LGALSL: variants seen among roughly 807,000 people sequenced by gnomAD.
LGALSL encodes the protein galectin like, also known as galectin-related protein.
Under a neutral mutation model 19.5 loss-of-function variants are expected in LGALSL, and 13 were observed. The observed-to-expected ratio is 0.67, with a 90% confidence interval of 0.43 to 1.06. The LOEUF (loss-of-function observed/expected upper bound fraction) is 1.06. Among genes scored for constraint, LGALSL ranks in the 50% least tolerant of loss-of-function variants. LGALSL has a pLI of 0.00. For synonymous variants in LGALSL, 86 were observed against 78.3 expected, an observed-to-expected ratio of 1.10 and a Z score of -0.52; for missense variants, 189 against 219.3, an observed-to-expected ratio of 0.86 and a Z score of 0.87.
chr2:64,454,933 C>T lies in LGALSL; in HGVS notation c.36+352C>T, dbSNP rs1686708550. On this transcript the variant is annotated intron_variant, in intron 1 of 4. Transcript: ENST00000238875. The surrounding 1 kb of genome is among the most constrained non-coding windows in gnomAD (Gnocchi z 5.1). Reference sequence around the variant, plus strand: ...CGCCCCCGACGTACCGGGGATTCCCCCTTGGAAATGGGTCGGCGCCCGGGG... The same window carrying T: ...CGCCCCCGACGTACCGGGGATTCCCTCTTGGAAATGGGTCGGCGCCCGGGG... Among the ~76,000 whole-genome samples the T allele has an allele frequency of 6.6e-6, 1 of 152,068 alleles. No individual in the cohort carries two copies. The highest frequency in any genetic ancestry group is 1.5e-5 in the Non-Finnish European group (1 of 67,986).
rs1366836885 is a variant in LGALSL at position 64,454,454 on chromosome 2, A to ACCCGCG, written c.-88_-83dup. The ACCCGCG allele has an allele frequency of 1.2e-5, 7 of 561,768 alleles. No homozygotes were observed. The highest frequency in any genetic ancestry group is 6.6e-5 in the African/African-American group (3 of 45,662). The allele number at this position is 561,768 out of a possible 1,614,324, so 34.8% of individuals were successfully genotyped here. On this transcript the variant is annotated 5_prime_UTR_variant, in exon 1 of 5. Transcript: ENST00000238875. This position sits in a 1 kb window ranked among gnomAD's most constrained non-coding sequence, Gnocchi z 5.1. ...GTGCGCGCGCCCGCCGCCAGCTCGG[A>ACCCGCG]CCCGCGCCCCCGCCCCCGCCCCGCG... is the stretch of plus-strand genomic sequence containing the variant.
At position 64,456,343 on chromosome 2, in the gene LGALSL, A is replaced by G. The variant is rs375164439; in HGVS notation, c.253A>G (p.Ile85Val). The G allele has an allele frequency of 5.0e-6, 8 of 1,612,432 alleles. No individual in the cohort carries two copies. Among genetic ancestry groups the G allele is most frequent in the East Asian group, 4.5e-5 (2 of 44,732 alleles). ...DSEDPPADVA[I>V]ELKAVFTDRQ... ...AGAAGACCCTCCTGCCGATGTGGCA[A>G]TCGAACTCAAAGCTGTGTTCACAGA... The change falls in exon 4 of 5, where the codon ATC becomes GTC. Residue 85 changes from isoleucine to valine, a missense_variant. By Grantham distance (29) the Ile-to-Val change is conservative. Around this residue, in one of 3 missense-constraint regions of LGALSL, gnomAD observed 106 missense variants for 119.3 expected, o/e 0.89. Transcript: ENST00000238875.
chr2:64,454,389 G>A lies in LGALSL; in HGVS notation c.-157G>A. ...CTCCCAGGCTCTGCCTGCCAGGTCGGCGCCGGGCCCCGGGCGCGCGCGCGC... is the reference window on the plus strand; with the variant it reads ...CTCCCAGGCTCTGCCTGCCAGGTCGACGCCGGGCCCCGGGCGCGCGCGCGC... On this transcript the variant is annotated 5_prime_UTR_variant, in exon 1 of 5. Transcript: ENST00000238875. This position sits in a 1 kb window ranked among gnomAD's most constrained non-coding sequence, Gnocchi z 5.1. 2.6e-6 allele frequency: 1 copy of A among 386,652 alleles called. No individual in the cohort carries two copies. The highest frequency in any genetic ancestry group is 3.7e-5 in the East Asian group (1 of 26,820). 24.0% of individuals were successfully genotyped at this position (386,652 alleles called of 1,614,324 possible).
rs1359019159 is a variant in LGALSL at position 64,454,753 on chromosome 2, G to A, written c.36+172G>A. On this transcript the variant is annotated intron_variant, in intron 1 of 4. Transcript: ENST00000238875. This position sits in a 1 kb window ranked among gnomAD's most constrained non-coding sequence, Gnocchi z 5.1. The stretch of plus-strand genomic sequence containing the variant: ...CGCTGGCTGCGCGCGGCCGGTGTTA[G>A]GGGCTGGAGAGGCTCCCGGGCTGCG... Among the ~76,000 whole-genome samples, 1 of 152,106 alleles carries A rather than the reference G, an allele frequency of 6.6e-6. No homozygotes were observed. The highest frequency in any genetic ancestry group is 1.9e-4 in the East Asian group (1 of 5,182).
In LGALSL at chr2:64,458,259, G is replaced by A. The variant is rs562253702; in HGVS notation, c.376-26G>A. 2.2e-5 allele frequency: 36 copies of A among 1,609,522 alleles called. No homozygotes were observed. The Admixed American group carries it at 5.7e-4, about 25-fold the overall frequency. On this transcript the variant is annotated intron_variant, in intron 4 of 4. Coordinates refer to ENST00000238875, the MANE Select transcript of LGALSL (RefSeq NM_014181.3). ...TTCCCCAGTAGCGTTCATTGAAATT[G>A]TGGATTATTATTTTGTTTCTTCCAG... is the stretch of plus-strand genomic sequence containing the variant.
Position 64,454,566 on chromosome 2 carries a change from C to A in LGALSL, c.21C>A (p.Asp7Glu). 6.9e-7 allele frequency: 1 copy of A among 1,453,412 alleles called. No homozygotes were observed. Among genetic ancestry groups the A allele is most frequent in the Admixed American group, 2.2e-5 (1 of 44,850 alleles). The allele number at this position is 1,453,412 out of a possible 1,614,324, so 90.0% of individuals were successfully genotyped here. A position where few individuals can be genotyped will look rare whatever the true frequency, so the allele number is the denominator to read the frequency against. ...AGAAGATGGCGGGATCAGTGGCCGA[C>A]AGCGATGCCGTGGTGGTGAGTGTGG... MAGSVA[D>E]SDAVVKLDDG... Residue 7 changes from aspartate to glutamate, a missense_variant, in exon 1 of 5, where the codon GAC becomes GAA. Transcript: ENST00000238875. The surrounding 1 kb of genome is among the most constrained non-coding windows in gnomAD (Gnocchi z 5.1).
intron 3 of LGALSL, 78 bp from the exon 4 acceptor site, chr2:64,456,210 G>T: frequency 7.7e-7 from 1 of 1,298,298 alleles, no homozygotes; most frequent in Non-Finnish European, 1.1e-6. Flanking sequence ...AGAGGAGGAA[G>T]AAGAAATATA....
rs1297627312 is a variant in LGALSL, at chr2:64,454,402, G to GGC, written c.-129_-128dup. On this transcript the variant is annotated 5_prime_UTR_variant, in exon 1 of 5. Coordinates refer to ENST00000238875, the MANE Select transcript of LGALSL (RefSeq NM_014181.3). The surrounding 1 kb of genome is among the most constrained non-coding windows in gnomAD (Gnocchi z 5.1). ...CCTGCCAGGTCGGCGCCGGGCCCCG[G>GGC]GCGCGCGCGCGCGCGCCCCCTCGTG... 1.1e-3 allele frequency: 410 copies of GGC among 379,742 alleles called. No homozygotes were observed. The highest frequency in any genetic ancestry group is 3.9e-3 in the South Asian group (31 of 7,852). The allele number at this position is 379,742 out of a possible 1,614,324, so 23.5% of individuals were successfully genotyped here.
Position 64,454,556 on chromosome 2 carries a change from C to A in LGALSL, c.11C>A (p.Ser4Ter). ...GCGCCGGGCAAGAAGATGGCGGGAT[C>A]AGTGGCCGACAGCGATGCCGTGGTG... The part of the protein sequence containing the change: MAG[S>*]VADSDAVVKL... Residue 4 changes from serine to a stop codon, truncating the protein, a stop_gained, in exon 1 of 5, where the codon TCA becomes TAA. Coordinates refer to ENST00000238875, the MANE Select transcript of LGALSL (RefSeq NM_014181.3). LOFTEE classifies it high-confidence loss of function. This position sits in a 1 kb window ranked among gnomAD's most constrained non-coding sequence, Gnocchi z 5.1. The A allele has an allele frequency of 6.9e-7, 1 of 1,449,586 alleles. No individual in the cohort carries two copies. Among genetic ancestry groups the A allele is most frequent in the Non-Finnish European group, 9.1e-7 (1 of 1,097,940 alleles). The allele number at this position is 1,449,586 out of a possible 1,614,324, so 89.8% of individuals were successfully genotyped here. A position where few individuals can be genotyped will look rare whatever the true frequency, so the allele number is the denominator to read the frequency against.
rs1686744788 is a variant in LGALSL, at chr2:64,456,864, C to T, written c.375+399C>T. On this transcript the variant is annotated intron_variant, in intron 4 of 4. Transcript: ENST00000238875. ...ATAAGTAGCTCTTTTATTTGTATGA[C>T]ATTTTAAAGAATATGATGATGATCA... Among the ~76,000 whole-genome samples, 3 of 152,098 alleles carry T rather than the reference C, an allele frequency of 2.0e-5. No individual in the cohort carries two copies. In the South Asian group the frequency reaches 6.2e-4, roughly 32 times the overall value.
rs1686783801 is a variant in LGALSL at position 64,459,423 on chromosome 2, CTG to C, written c.*998_*999del. 3 of 152,134 alleles carry C rather than the reference CTG, an allele frequency of 2.0e-5. No homozygotes were observed. The highest frequency in any genetic ancestry group is 1.3e-4 in the Admixed American group (2 of 15,282). 9.4% of individuals were successfully genotyped at this position (152,134 alleles called of 1,614,324 possible). On this transcript the variant is annotated 3_prime_UTR_variant, in exon 5 of 5. Coordinates refer to ENST00000238875, the MANE Select transcript of LGALSL (RefSeq NM_014181.3). The stretch of plus-strand genomic sequence containing the variant: ...TTTTAAAAGAATAATATGAAAATGA[CTG>C]TGGAATGCAGTGTAAAGCAGAAGCA...
rs1686777753 is a variant in LGALSL, at chr2:64,458,959, T to C, written c.*531T>C. 6.6e-6 allele frequency: 1 copy of C among 152,286 alleles called. No homozygotes were observed. Among genetic ancestry groups the C allele is most frequent in the South Asian group, 2.1e-4 (1 of 4,838 alleles). 9.4% of individuals were successfully genotyped at this position (152,286 alleles called of 1,614,324 possible). On this transcript the variant is annotated 3_prime_UTR_variant, in exon 5 of 5. Transcript: ENST00000238875. ...GATTGTTGAAGCTTTCTTGTAGTTATTTATTTATACTCAATGTATGTATTA... is the reference window on the plus strand; with the variant it reads ...GATTGTTGAAGCTTTCTTGTAGTTACTTATTTATACTCAATGTATGTATTA...
intron 4 of LGALSL, 58 bp downstream of exon 4, chr2:64,456,523 C>T: frequency 1.4e-6 from 2 of 1,379,432 alleles, no homozygotes; most frequent in Non-Finnish European, 1.9e-6. Flanking sequence ...GTTCGACTTA[C>T]CTAGTGTGTG....
rs1686781560 is a variant in LGALSL, at chr2:64,459,253, C to T, written c.*825C>T. 6.6e-6 allele frequency: 1 copy of T among 152,118 alleles called. No individual in the cohort carries two copies. Among genetic ancestry groups the T allele is most frequent in the African/African-American group, 2.4e-5 (1 of 41,426 alleles). The allele number at this position is 152,118 out of a possible 1,614,324, so 9.4% of individuals were successfully genotyped here. A position where few individuals can be genotyped will look rare whatever the true frequency, so the allele number is the denominator to read the frequency against. The stretch of plus-strand genomic sequence containing the variant: ...AAATTCTATTTACATTGCTTTTTCT[C>T]CTTACTGGGAATTAGCACATTATTG... On this transcript the variant is annotated 3_prime_UTR_variant, in exon 5 of 5. Coordinates refer to ENST00000238875, the MANE Select transcript of LGALSL (RefSeq NM_014181.3).
At chr2:64,455,734 C>A in intron 3 of LGALSL, 57 bp downstream of exon 3, 1 of 1,326,690 alleles carries the variant, frequency 7.5e-7, no homozygotes, top group Non-Finnish European at 1.1e-6. Context: ...GCCCTGCCCA[C>A]TTCTGTTGTG....
At chr2:64,456,524 C>G in intron 4 of LGALSL, 59 bp downstream of exon 4, 4 of 1,362,836 alleles carry the variant, frequency 2.9e-6, no homozygotes, top group Non-Finnish European at 3.9e-6. Context: ...TTCGACTTAC[C>G]TAGTGTGTGC....
In LGALSL at chr2:64,458,498, C is replaced by G; in HGVS notation, c.*70C>G. ...CTGACTGTTGGTCTGGAAGAAGTGT[C>G]CTAGCAAGATCTGGAGACTTAAAAA... On this transcript the variant is annotated 3_prime_UTR_variant, in exon 5 of 5. Transcript: ENST00000238875. 2 of 1,445,452 alleles carry G rather than the reference C, an allele frequency of 1.4e-6. No individual in the cohort carries two copies. The highest frequency in any genetic ancestry group is 1.9e-6 in the Non-Finnish European group (2 of 1,056,018). 89.5% of individuals were successfully genotyped at this position (1,445,452 alleles called of 1,614,324 possible).
At position 64,458,579 on chromosome 2, in the gene LGALSL, A is replaced by G. The variant is rs1384982287; in HGVS notation, c.*151A>G. On this transcript the variant is annotated 3_prime_UTR_variant, in exon 5 of 5. Transcript: ENST00000238875. ...AAGGGTGGTTTGCCCTTAAGAAGAA[A>G]GCTGTTGGGACAAAGACACCGAGCC... 8.7e-6 allele frequency: 6 copies of G among 692,538 alleles called. No homozygotes were observed. The highest frequency in any genetic ancestry group is 1.4e-5 in the Non-Finnish European group (6 of 426,020). 42.9% of individuals were successfully genotyped at this position (692,538 alleles called of 1,614,324 possible).
chr2:64,454,648 C>T lies in LGALSL; in HGVS notation c.36+67C>T. 8.5e-7 allele frequency: 1 copy of T among 1,176,054 alleles called. No individual in the cohort carries two copies. 72.9% of individuals were successfully genotyped at this position (1,176,054 alleles called of 1,614,324 possible). On this transcript the variant is annotated intron_variant, in intron 1 of 4. Transcript: ENST00000238875. The surrounding 1 kb of genome is among the most constrained non-coding windows in gnomAD (Gnocchi z 5.1). ...TCCCGCACTCCGCCGCCGCCTGCTC[C>T]AGCAGTGCTGGGGTGCTGAGCAGCC...
Sources: allele counts gnomAD v4.1 joint callset (sites outside exome capture counted in the v4.1 genomes callset), GRCh38; gene constraint gnomAD v4.1.1; regional missense constraint gnomAD v4.1.1; non-coding constraint Gnocchi (gnomAD v3.1); transcripts MANE v1.5; gene names NCBI Gene and HGNC (gene_info 2026-07-23, HGNC 2026-07-21).